SPMAP2L: variants seen among roughly 807,000 people sequenced by gnomAD.
The protein encoded by SPMAP2L is sperm microtubule associated protein 2 like, also known as sperm microtubule associated protein 2-like.
At chr4:56,605,315 C>T in the SPMAP2L span, among the ~76,000 whole-genome samples, 1 of 152,140 alleles carries the variant, frequency 6.6e-6, no homozygotes, top group African/African-American at 2.4e-5. Flanking sequence ...CACAGTGAAC[C>T]AAACAGATAT....
At chr4:56,583,739 T>C in the SPMAP2L span, among the ~76,000 whole-genome samples, 1 of 152,144 alleles carries the variant, frequency 6.6e-6, no homozygotes, top group Non-Finnish European at 1.5e-5. Flanking sequence ...GGAATTTTTA[T>C]TTCAGAGATT....
At chr4:56,591,286 A>AC in the SPMAP2L span, among the ~76,000 whole-genome samples, 1 of 152,180 alleles carries the variant, frequency 6.6e-6, no homozygotes, top group Admixed American at 6.5e-5. Context: ...TTGCCCTTCC[A>AC]CCATGATTGT....
chr4:56,575,312 T>C, the SPMAP2L span, among the ~76,000 whole-genome samples: 3 of 152,060 alleles, frequency 2.0e-5, no homozygotes, highest in Admixed American at 1.3e-4. Flanking sequence ...TTGAGTATAA[T>C]AGAAGCCAGT....
At chr4:56,562,624 G>A in the SPMAP2L span, among the ~76,000 whole-genome samples, 7 of 152,052 alleles carry the variant, frequency 4.6e-5, no homozygotes, top group South Asian at 2.1e-4. Context: ...TACCATTTGC[G>A]GTGTGTGTGC....
At chr4:56,591,103 C>T in the SPMAP2L span, among the ~76,000 whole-genome samples, 1 of 152,060 alleles carries the variant, frequency 6.6e-6, no homozygotes. Flanking sequence ...AATTATAATT[C>T]CCAGTGTTGG....
the SPMAP2L span, among the ~76,000 whole-genome samples, chr4:56,609,401 A>T: frequency 6.6e-6 from 1 of 152,102 alleles, no homozygotes; most frequent in Non-Finnish European, 1.5e-5. Flanking sequence ...CTGGAGGGGG[A>T]GTTTGCTTCA....
chr4:56,584,765 T>C, the SPMAP2L span, among the ~76,000 whole-genome samples: 3 of 152,220 alleles, frequency 2.0e-5, no homozygotes, highest in African/African-American at 7.2e-5. Context: ...AATGTATCAG[T>C]CAGGATTGGA....
the SPMAP2L span, among the ~76,000 whole-genome samples, chr4:56,597,010 A>G: frequency 6.6e-6 from 1 of 152,236 alleles, no homozygotes; most frequent in African/African-American, 2.4e-5. Context: ...TAAATTAGTC[A>G]ATAGATAATG....
At chr4:56,613,909 A>G in the SPMAP2L span, among the ~76,000 whole-genome samples, 6 of 152,204 alleles carry the variant, frequency 3.9e-5, no homozygotes, top group Admixed American at 6.5e-5. Context: ...CAATTTTCTC[A>G]CCTGTAAAAT....
At chr4:56,584,570 G>C in the SPMAP2L span, 1 of 1,535,376 alleles carries the variant, frequency 6.5e-7, no homozygotes, top group South Asian at 1.2e-5. Context: ...ACAACTCTCA[G>C]TAGCCAAAGG....
the SPMAP2L span, among the ~76,000 whole-genome samples, chr4:56,614,002 C>G: frequency 6.6e-6 from 1 of 152,182 alleles, no homozygotes; most frequent in African/African-American, 2.4e-5. Context: ...GAGTTTATAG[C>G]TTACTGAGGT....
chr4:56,591,232 T>G, the SPMAP2L span, among the ~76,000 whole-genome samples: 18 of 152,132 alleles, frequency 1.2e-4, 1 homozygote. Context: ...CACCTTCCCC[T>G]TTGCTCTGTC....
the SPMAP2L span, among the ~76,000 whole-genome samples, chr4:56,558,066 C>A: frequency 9.6e-4 from 146 of 152,046 alleles, 1 homozygote; most frequent in African/African-American, 2.8e-3. Context: ...CCTCCCAGTT[C>A]CAAGTGATTC....
chr4:56,583,216 G>A, the SPMAP2L span, among the ~76,000 whole-genome samples: 5 of 151,952 alleles, frequency 3.3e-5, no homozygotes, highest in Non-Finnish European at 7.4e-5. Context: ...GGAGGTTAGA[G>A]TGAGCCCAGA....
the SPMAP2L span, among the ~76,000 whole-genome samples, chr4:56,597,950 C>G: frequency 2.6e-5 from 4 of 152,096 alleles, no homozygotes; most frequent in Non-Finnish European, 5.9e-5. Context: ...GCAGCCTCAA[C>G]CTTCTGGGCT....
the SPMAP2L span, chr4:56,593,466 G>T: frequency 1.9e-6 from 3 of 1,589,924 alleles, no homozygotes; most frequent in Non-Finnish European, 1.7e-6. Flanking sequence ...ACACGGAGGG[G>T]AAGGTGGAAG....
chr4:56,598,768 C>G, the SPMAP2L span, among the ~76,000 whole-genome samples: 1 of 151,854 alleles, frequency 6.6e-6, no homozygotes, highest in South Asian at 2.1e-4. Context: ...ACAGAAGGAG[C>G]CTAAGTGATA....
chr4:56,559,401 T>C, the SPMAP2L span: 1 of 1,516,232 alleles, frequency 6.6e-7, no homozygotes, highest in Non-Finnish European at 8.8e-7. Context: ...GAAAACTGTT[T>C]TGGGGAAATC....
chr4:56,595,510 C>T, the SPMAP2L span: 7 of 1,533,720 alleles, frequency 4.6e-6, no homozygotes, highest in Non-Finnish European at 6.3e-6. Context: ...TCCACACTCC[C>T]TGACCTGCGT....
Sources: gnomAD v4.1 joint callset for allele counts (sites outside exome capture counted in the v4.1 genomes callset) on GRCh38, gnomAD v4.1.1 for gene constraint, MANE v1.5 for transcripts, NCBI Gene and HGNC (gene_info 2026-07-23, HGNC 2026-07-21) for gene names.